Variants in RAB3C observed in about 807,000 individuals in gnomAD.
The protein encoded by RAB3C is RAB3C, member RAS oncogene family.
RAB3C carries 17 observed loss-of-function variants against 26.4 expected under a neutral mutation model. That is an observed-to-expected ratio of 0.64 (90% CI 0.44 to 0.97). The LOEUF (loss-of-function observed/expected upper bound fraction) is 0.97, where lower values mean the gene tolerates loss of function less well. RAB3C is among the 50% of genes least tolerant of loss of function. The pLI is 0.00. For synonymous variants in RAB3C, 91 were observed against 95.9 expected (o/e 0.95, Z 0.30); for missense variants, 242 against 281.9 (o/e 0.86, Z 1.01).
chr5:58,645,491 A>G (rs562640226), intron 2 of RAB3C, among the ~76,000 whole-genome samples: 6 of 152,220 alleles, frequency 3.9e-5, no homozygotes, highest in Non-Finnish European at 5.9e-5. Flanking sequence ...AGTGATAAAA[A>G]GTAAGGGCAC....
At chr5:58,825,301 C>T in intron 4 of RAB3C, 139 bp downstream of exon 4, 1 of 909,018 alleles carries the variant, frequency 1.1e-6, no homozygotes, top group Non-Finnish European at 1.5e-6. Context: ...ATAATCCTCC[C>T]TAAGTGGACA....
intron 2 of RAB3C, among the ~76,000 whole-genome samples, chr5:58,640,070 G>A (rs949408296): frequency 6.6e-6 from 1 of 152,126 alleles, no homozygotes; most frequent in Non-Finnish European, 1.5e-5. Context: ...TAATATAAAA[G>A]TGCAGTCATG....
chr5:58,808,085 C>T (rs947333946), intron 3 of RAB3C, among the ~76,000 whole-genome samples: 15 of 151,618 alleles, frequency 9.9e-5, no homozygotes, highest in African/African-American at 3.4e-4. Context: ...ATTAGCCAGG[C>T]GTAGTGGTGG....
intron 4 of RAB3C, among the ~76,000 whole-genome samples, chr5:58,850,211 A>G (rs1233988968): frequency 6.6e-6 from 1 of 152,246 alleles, no homozygotes; most frequent in Non-Finnish European, 1.5e-5. Context: ...GCTTCTGCCC[A>G]GGTACAGTGG....
intron 3 of RAB3C, among the ~76,000 whole-genome samples, chr5:58,786,923 C>T (rs951641017): frequency 6.6e-6 from 1 of 152,006 alleles, no homozygotes; most frequent in Non-Finnish European, 1.5e-5. Flanking sequence ...AGAAAGGCAT[C>T]GGGCTTCCTA....
In RAB3C at chr5:58,854,695, G is replaced by C. The variant is rs1241899448; in HGVS notation, c.*3344G>C. ...ACTTGAAGTTCAGTATTTTTTTGCT[G>C]CCTGGTAACTAAGTGCTAAGATTTT... is the stretch of plus-strand genomic sequence containing the variant. On this transcript the variant is annotated 3_prime_UTR_variant, in exon 5 of 5. Coordinates refer to ENST00000282878, the MANE Select transcript of RAB3C (RefSeq NM_138453.4). 1 of 152,042 alleles carries C rather than the reference G, an allele frequency of 6.6e-6. No homozygotes were observed. Among genetic ancestry groups the C allele is most frequent in the Non-Finnish European group, 1.5e-5 (1 of 68,000 alleles). The allele number at this position is 152,042 out of a possible 1,614,324, so 9.4% of individuals were successfully genotyped here.
At chr5:58,766,006 T>G (rs1201300623) in intron 3 of RAB3C, among the ~76,000 whole-genome samples, 1 of 152,188 alleles carries the variant, frequency 6.6e-6, no homozygotes, top group Non-Finnish European at 1.5e-5. Context: ...TTTCACCTTC[T>G]GCCATAATTA....
intron 2 of RAB3C, among the ~76,000 whole-genome samples, chr5:58,655,944 C>G (rs1747762203): frequency 6.6e-6 from 1 of 151,928 alleles, no homozygotes; most frequent in African/African-American, 2.4e-5. Context: ...CTACAGGCGC[C>G]CGCCACCACG....
chr5:58,731,838 G>A (rs1183994949), intron 3 of RAB3C, among the ~76,000 whole-genome samples: 2 of 152,126 alleles, frequency 1.3e-5, no homozygotes, highest in African/African-American at 4.8e-5. Flanking sequence ...GTGACTCATG[G>A]CTCAGCAGCA....
rs745985578 is a variant in RAB3C, at chr5:58,851,161, C to T, written c.497-3C>T. 4.4e-6 allele frequency: 7 copies of T among 1,587,980 alleles called. No homozygotes were observed. Among genetic ancestry groups the T allele is most frequent in the Non-Finnish European group, 6.0e-6 (7 of 1,170,190 alleles). On this transcript the variant is annotated splice_polypyrimidine_tract_variant and splice_region_variant and intron_variant, in intron 4 of 4. Transcript: ENST00000282878. ...AAGATGTGTTTCTGTGTGTTTCTTCCAGGGTTTGAGTTTTTTGAAACAAGT... is the reference window on the plus strand; with the variant it reads ...AAGATGTGTTTCTGTGTGTTTCTTCTAGGGTTTGAGTTTTTTGAAACAAGT...
chr5:58,790,955 TC>T (rs1481257151), intron 3 of RAB3C, among the ~76,000 whole-genome samples: 1 of 152,126 alleles, frequency 6.6e-6, no homozygotes, highest in Non-Finnish European at 1.5e-5. Flanking sequence ...CTCTTGTTCC[TC>T]CTTTCTCACT....
intron 3 of RAB3C, among the ~76,000 whole-genome samples, chr5:58,752,446 ACG>A (rs1741551309): frequency 6.6e-6 from 1 of 151,200 alleles, no homozygotes; most frequent in African/African-American, 2.4e-5. Context: ...GAACTACAGT[ACG>A]GAAAGCTTAT....
chr5:58,647,715 A>G (rs1747553146), intron 2 of RAB3C: 1 of 152,246 alleles, frequency 6.6e-6, no homozygotes, highest in Non-Finnish European at 1.5e-5. Context: ...ATCCAGGGTA[A>G]GTAACCACCA....
chr5:58,715,745 C>A (rs1346940667), intron 2 of RAB3C, among the ~76,000 whole-genome samples: 1 of 151,966 alleles, frequency 6.6e-6, no homozygotes, highest in South Asian at 2.1e-4. Flanking sequence ...TAGCATCATA[C>A]AAGACGATGA....
At chr5:58,673,908 A>G (rs1748173525) in intron 2 of RAB3C, among the ~76,000 whole-genome samples, 1 of 152,222 alleles carries the variant, frequency 6.6e-6, no homozygotes, top group African/African-American at 2.4e-5. Context: ...GCACCAGCAC[A>G]TGCACATAAG....
intron 2 of RAB3C, among the ~76,000 whole-genome samples, chr5:58,722,559 A>G (rs1740794465): frequency 6.6e-6 from 1 of 151,902 alleles, no homozygotes; most frequent in Non-Finnish European, 1.5e-5. Context: ...TTTAAAATAG[A>G]CTGACTAGTT....
At chr5:58,704,373 G>A (rs564644513) in intron 2 of RAB3C, among the ~76,000 whole-genome samples, 6 of 152,196 alleles carry the variant, frequency 3.9e-5, no homozygotes, top group Non-Finnish European at 7.4e-5. Flanking sequence ...TTTGCCTGCT[G>A]GTGTACTCAG....
At chr5:58,640,038 G>T (rs158966) in intron 2 of RAB3C, among the ~76,000 whole-genome samples, 20,275 of 152,092 alleles carry the variant, frequency 0.13, 1,652 homozygotes, top group Middle Eastern at 0.23. Flanking sequence ...TACATAAAGG[G>T]AATCTACTGC....
chr5:58,604,552 T>C (rs1228407453), intron 1 of RAB3C, among the ~76,000 whole-genome samples: 1 of 152,094 alleles, frequency 6.6e-6, no homozygotes, highest in Non-Finnish European at 1.5e-5. Flanking sequence ...TATGGCTGCC[T>C]CTGCTGAGTC....
Sources: gnomAD v4.1 joint callset for allele counts (sites outside exome capture counted in the v4.1 genomes callset) on GRCh38, gnomAD v4.1.1 for gene constraint, MANE v1.5 for transcripts, NCBI Gene and HGNC (gene_info 2026-07-23, HGNC 2026-07-21) for gene names.